Variants in COPE observed in about 807,000 individuals in gnomAD.
The protein encoded by COPE is coat protein complex I subunit epsilon.
In COPE, 19 loss-of-function variants were observed where a neutral mutation model predicts 42.1. The observed-to-expected ratio is 0.45, with a 90% CI of 0.31 to 0.66. The LOEUF (loss-of-function observed/expected upper bound fraction) is 0.66. COPE is among the 30% of genes least tolerant of loss of function. COPE has a pLI of 0.05. For synonymous variants in COPE, 195 were observed against 181.3 expected, an observed-to-expected ratio of 1.08 and a Z score of -0.60; for missense variants, 402 against 416.1, an observed-to-expected ratio of 0.97 and a Z score of 0.30.
At chr19:18,917,027 G>C (rs962492607) in intron 1 of COPE, among the ~76,000 whole-genome samples, 1 of 151,356 alleles carries the variant, frequency 6.6e-6, no homozygotes, top group African/African-American at 2.4e-5. Flanking sequence ...GGTGTCAGCA[G>C]GGCCACACTC....
chr19:18,900,776 G>A (rs188029685), intron 7 of COPE, among the ~76,000 whole-genome samples: 57 of 152,240 alleles, frequency 3.7e-4, no homozygotes, highest in African/African-American at 1.2e-3. Context: ...GCTGTACAAC[G>A]AACCCCGAGG....
chr19:18,915,047 A>G (rs1276013601), intron 1 of COPE, among the ~76,000 whole-genome samples: 2 of 152,094 alleles, frequency 1.3e-5, no homozygotes, highest in African/African-American at 4.8e-5. Context: ...GTCCATAAAA[A>G]AATTATAAAT....
chr19:18,900,323 G>C lies in COPE; in HGVS notation c.804+58C>G, dbSNP rs1476610950. ...CCTAGGGATTAGGGCCTGGACCCCA[G>C]GCTGGGGTCCCAGGGTCTGGACATT... On this transcript the variant is annotated intron_variant, in intron 8 of 9. Transcript: ENST00000262812. 1.3e-5 allele frequency: 19 copies of C among 1,418,328 alleles called. No homozygotes were observed. The East Asian group carries it at 3.3e-4, about 24-fold the overall frequency. The allele number at this position is 1,418,328 out of a possible 1,614,324, so 87.9% of individuals were successfully genotyped here.
chr19:18,901,054 C>G (rs1693484723), intron 7 of COPE, among the ~76,000 whole-genome samples: 1 of 152,236 alleles, frequency 6.6e-6, no homozygotes, highest in South Asian at 2.1e-4. Context: ...CAGTCTCCAC[C>G]ATGAAGGGGG....
chr19:18,905,987 G>GC (rs1209514292), intron 4 of COPE: 5 of 438,626 alleles, frequency 1.1e-5, no homozygotes, highest in Admixed American at 4.3e-5. Flanking sequence ...CCACGCACCC[G>GC]CCCCTGCACC....
chr19:18,915,021 C>T (rs142323465), intron 1 of COPE, among the ~76,000 whole-genome samples: 2 of 152,106 alleles, frequency 1.3e-5, no homozygotes, highest in East Asian at 1.9e-4. Context: ...CCACCGTGCC[C>T]GGTCTGAGAC....
intron 3 of COPE, 115 bp from the exon 4 acceptor site, chr19:18,907,227 G>T (rs1340319654): frequency 2.7e-6 from 3 of 1,106,310 alleles, no homozygotes; most frequent in African/African-American, 1.6e-5. Flanking sequence ...CCCTGGGGGT[G>T]CAGAGCAGCA....
intron 1 of COPE, among the ~76,000 whole-genome samples, chr19:18,913,684 G>A (rs1182246696): frequency 6.6e-6 from 1 of 152,214 alleles, no homozygotes; most frequent in Admixed American, 6.5e-5. Flanking sequence ...CATGGCAGGT[G>A]GGCACAGTGC....
intron 7 of COPE, 105 bp from the exon 8 acceptor site, chr19:18,900,554 A>G: frequency 2.3e-6 from 2 of 860,242 alleles, no homozygotes; most frequent in South Asian, 3.3e-5. Context: ...ACCTCCTCAG[A>G]GGTGGGGTGG....
Position 18,899,697 on chromosome 19 carries a change from C to G in COPE, c.909G>C (p.Gln303His). The change falls in exon 10 of 10, where the codon CAG (glutamine) becomes CAC (histidine). Residue 303 changes from glutamine to histidine, a missense_variant. Transcript: ENST00000262812. ...KENDFDRLVLQYAPSA is the reference protein window; with the variant it reads ...KENDFDRLVLHYAPSA The stretch of plus-strand genomic sequence containing the variant: ...GCCAGCCTCAGGCGCTGGGAGCGTA[C>G]TGTAGCACCAGCCTGTCAAAGTCGT... The G allele has an allele frequency of 6.2e-7, 1 of 1,613,636 alleles. No individual in the cohort carries two copies. The highest frequency in any genetic ancestry group is 8.5e-7 in the Non-Finnish European group (1 of 1,179,978).
Position 18,919,071 on chromosome 19 carries a change from C to T in COPE, c.126+152G>A, listed in dbSNP as rs1049437747. ...TACTGCTCTGGGTTCTGTCACGGGA[C>T]AGTGACTACTCCTCACTGAACTGTG... On this transcript the variant is annotated intron_variant, in intron 1 of 9. Coordinates refer to ENST00000262812, the MANE Select transcript of COPE (RefSeq NM_007263.4). The T allele has an allele frequency of 7.0e-6, 5 of 714,100 alleles. No individual in the cohort carries two copies. The Admixed American group carries it at 1.4e-4, about 20-fold the overall frequency. 44.2% of individuals were successfully genotyped at this position (714,100 alleles called of 1,614,324 possible).
rs1601236292 is a variant in COPE at position 18,915,607 on chromosome 19, T to C, written c.127-2561A>G. ...AGCCAGGAGGCCACATCCACCAAGGTCACCTGGCCCTAGGATGGCCCCAGC... is the reference window on the plus strand; with the variant it reads ...AGCCAGGAGGCCACATCCACCAAGGCCACCTGGCCCTAGGATGGCCCCAGC... On this transcript the variant is annotated intron_variant, in intron 1 of 9. Coordinates refer to ENST00000262812, the MANE Select transcript of COPE (RefSeq NM_007263.4). Among the ~76,000 whole-genome samples, 5 of 152,222 alleles carry C rather than the reference T, an allele frequency of 3.3e-5. No individual in the cohort carries two copies. The South Asian group carries it at 1.0e-3, about 32-fold the overall frequency.
chr19:18,918,561 C>T (rs1318630585), intron 1 of COPE, among the ~76,000 whole-genome samples: 1 of 152,110 alleles, frequency 6.6e-6, no homozygotes, highest in Admixed American at 6.6e-5. Flanking sequence ...TCTCAGCCTC[C>T]CGGTAGCTGA....
chr19:18,904,885 T>C (rs373188845), intron 5 of COPE, 33 bp from the exon 6 acceptor site: 48 of 1,546,338 alleles, frequency 3.1e-5, no homozygotes, highest in Non-Finnish European at 4.2e-5. Flanking sequence ...AGGGGCTGAG[T>C]GGCCGAGGGC....
At chr19:18,910,564 GAC>G (rs1428048975) in intron 3 of COPE, 2 of 187,680 alleles carry the variant, frequency 1.1e-5, no homozygotes, top group Admixed American at 1.1e-4. Context: ...CCAGCCTGGT[GAC>G]AGAGTGAGAC....
At chr19:18,903,762 G>A (rs1242760036) in intron 6 of COPE, among the ~76,000 whole-genome samples, 1 of 152,242 alleles carries the variant, frequency 6.6e-6, no homozygotes, top group Non-Finnish European at 1.5e-5. Context: ...CAGAGGAGGA[G>A]GAGTCAGCTC....
chr19:18,912,939 C>G (rs751145190), intron 2 of COPE, 45 bp downstream of exon 2: 5 of 1,599,482 alleles, frequency 3.1e-6, no homozygotes, highest in Non-Finnish European at 4.3e-6. Context: ...GCCCCACCCT[C>G]TACTCTGTTC....
chr19:18,903,618 C>T (rs542587671), intron 6 of COPE, among the ~76,000 whole-genome samples, 195 bp from the exon 7 acceptor site: 3 of 152,360 alleles, frequency 2.0e-5, no homozygotes, highest in South Asian at 2.1e-4. Flanking sequence ...GACTCGTGGC[C>T]GCCTCCTGCC....
intron 8 of COPE, 71 bp downstream of exon 8, chr19:18,900,310 G>A (rs2056685646): frequency 5.5e-6 from 7 of 1,278,140 alleles, no homozygotes; most frequent in Non-Finnish European, 7.6e-6. Context: ...TAGGGATTAG[G>A]GCCTGGACCC....
Sources: gnomAD v4.1 joint callset for allele counts (sites outside exome capture counted in the v4.1 genomes callset) on GRCh38, gnomAD v4.1.1 for gene constraint, MANE v1.5 for transcripts, NCBI Gene and HGNC (gene_info 2026-07-23, HGNC 2026-07-21) for gene names.